The following TTC7A variants were observed in gnomAD, a reference collection of about 807,000 sequenced individuals.
The protein encoded by TTC7A is tetratricopeptide repeat domain 7A.
In TTC7A, 110 loss-of-function variants were observed where a neutral mutation model predicts 103.7. The ratio of observed to expected loss-of-function variants is 1.06; its 90% CI spans 0.91 to 1.24. The LOEUF (loss-of-function observed/expected upper bound fraction) is 1.24, where lower values mean the gene tolerates loss of function less well. Among genes scored for constraint, TTC7A ranks in the 50% most tolerant of loss-of-function variants. TTC7A has a pLI of 0.00. For synonymous variants in TTC7A, 521 were observed against 467.9 expected (o/e 1.11, Z -1.47); for missense variants, 1,340 against 1,116.3 (o/e 1.20, Z -2.86).
intron 8 of TTC7A, among the ~76,000 whole-genome samples, chr2:46,996,566 G>A (rs901817369): frequency 6.6e-6 from 1 of 152,236 alleles, no homozygotes; most frequent in Non-Finnish European, 1.5e-5. Context: ...CAGAGGGATT[G>A]CATCCTGCCT....
At chr2:47,015,701 C>T (rs1183856149) in intron 11 of TTC7A, among the ~76,000 whole-genome samples, 1 of 152,194 alleles carries the variant, frequency 6.6e-6, no homozygotes, top group African/African-American at 2.4e-5. Context: ...ACCGTTACAG[C>T]CCCTTGAAAA....
At chr2:46,996,656 G>T (rs991203715) in intron 8 of TTC7A, among the ~76,000 whole-genome samples, 1 of 152,184 alleles carries the variant, frequency 6.6e-6, no homozygotes, top group Non-Finnish European at 1.5e-5. Context: ...AGCTGGCCAG[G>T]GTGTTGCCCT....
chr2:47,008,202 A>G (rs1677635187), intron 10 of TTC7A, among the ~76,000 whole-genome samples: 3 of 152,214 alleles, frequency 2.0e-5, no homozygotes, highest in Admixed American at 1.3e-4. Context: ...CAGTGAGTAC[A>G]GGTGGGAGAG....
intron 15 of TTC7A, among the ~76,000 whole-genome samples, chr2:47,039,179 A>G (rs1379009939): frequency 6.6e-6 from 1 of 152,200 alleles, no homozygotes; most frequent in African/African-American, 2.4e-5. Flanking sequence ...AAGTATACCC[A>G]CATCATCTGA....
rs758239902 is a variant in TTC7A, at chr2:47,029,235, C to G, written c.1653C>G (p.Ala551=). 1 of 1,613,710 alleles carries G rather than the reference C, an allele frequency of 6.2e-7. No individual in the cohort carries two copies. The highest frequency in any genetic ancestry group is 1.7e-5 in the Admixed American group (1 of 60,002). ...QLALVRQISS[A]MEQLQEALKV... is the part of the protein sequence containing the mutation. ...GGTTCCTTCAACAGATCTCCAGTGC[C>G]ATGGAGCAGCTGCAGGAGGCCCTGA... The change falls in exon 15 of 20, where the codon GCC becomes GCG. Residue 551 remains alanine, a synonymous_variant. Coordinates refer to ENST00000319190, the MANE Select transcript of TTC7A (RefSeq NM_020458.4).
chr2:47,026,928 G>A (rs1443920874), intron 14 of TTC7A, among the ~76,000 whole-genome samples: 1 of 152,186 alleles, frequency 6.6e-6, no homozygotes, highest in Admixed American at 6.5e-5. Flanking sequence ...CTCTGAGCAG[G>A]AGAGGGTGTT....
At position 47,028,163 on chromosome 2, in the gene TTC7A, CT is replaced by C. The variant is rs142885373; in HGVS notation, c.1642-1059del. 3.3e-3 allele frequency among the ~76,000 whole-genome samples: 508 copies of C among 152,272 alleles called. 1 individual carries two copies. The highest frequency in any genetic ancestry group is 0.011 in the African/African-American group (468 of 41,554). On this transcript the variant is annotated intron_variant, in intron 14 of 19. Transcript: ENST00000319190. Reference sequence around the variant, plus strand: ...GAATGGTCTCTTCAGGAAAGGGCTCCTTGAACCTTCCATATCCTCCCATAAG... The same window carrying C: ...GAATGGTCTCTTCAGGAAAGGGCTCCTGAACCTTCCATATCCTCCCATAAG...
At chr2:47,057,116 C>G (rs979512338) in intron 18 of TTC7A, among the ~76,000 whole-genome samples, 2 of 152,212 alleles carry the variant, frequency 1.3e-5, no homozygotes, top group Non-Finnish European at 2.9e-5. Context: ...AGCAAAGCGT[C>G]GAGCAGGAGC....
At chr2:47,009,903 TG>T (rs1182344583) in intron 10 of TTC7A, among the ~76,000 whole-genome samples, 2 of 56,584 alleles carry the variant, frequency 3.5e-5, no homozygotes, top group African/African-American at 5.8e-5. Context: ...TTTTTTTTTT[TG>T]GTGGTGGGGG....
upstream of TTC7A, chr2:46,915,894 C>T (rs970441749): frequency 2.0e-6 from 2 of 984,800 alleles, no homozygotes; most frequent in Non-Finnish European, 2.4e-6. Flanking sequence ...CTCCCGCTGG[C>T]GGCGGCGGGC....
intron 14 of TTC7A, among the ~76,000 whole-genome samples, chr2:47,025,236 T>A (rs1572947380): frequency 6.6e-6 from 1 of 152,194 alleles, no homozygotes; most frequent in South Asian, 2.1e-4. Flanking sequence ...TGGTGCTGTG[T>A]CCCCCATACC....
intron 3 of TTC7A, among the ~76,000 whole-genome samples, chr2:46,972,658 T>C (rs936600087): frequency 4.6e-5 from 7 of 152,132 alleles, no homozygotes; most frequent in Non-Finnish European, 8.8e-5. Flanking sequence ...GAGAGCAAGG[T>C]GCTATTACTG....
chr2:46,970,400 A>G (rs1031154256), intron 3 of TTC7A, among the ~76,000 whole-genome samples: 7 of 152,258 alleles, frequency 4.6e-5, no homozygotes, highest in Admixed American at 4.6e-4. Flanking sequence ...GGAGGCCCAC[A>G]GACCATTGTT....
At chr2:46,956,207 C>T (rs1308049126) in intron 2 of TTC7A, among the ~76,000 whole-genome samples, 2 of 152,170 alleles carry the variant, frequency 1.3e-5, no homozygotes, top group East Asian at 1.9e-4. Context: ...GGAAAGAAAA[C>T]ACGTTTAAAT....
intron 15 of TTC7A, among the ~76,000 whole-genome samples, chr2:47,033,652 G>A (rs145906379): frequency 3.9e-5 from 6 of 152,328 alleles, no homozygotes; most frequent in African/African-American, 1.4e-4. Flanking sequence ...TTGCTCATCT[G>A]CCAAAAGACA....
chr2:47,041,928 A>T (rs1331363171), intron 15 of TTC7A, among the ~76,000 whole-genome samples: 1 of 152,030 alleles, frequency 6.6e-6, no homozygotes, highest in Non-Finnish European at 1.5e-5. Flanking sequence ...CGGGAAAAAA[A>T]ACGTATTTAA....
chr2:47,022,397 C>A (rs1270425715), intron 12 of TTC7A, among the ~76,000 whole-genome samples: 1 of 152,208 alleles, frequency 6.6e-6, no homozygotes, highest in Non-Finnish European at 1.5e-5. Context: ...TCTTCTGGAG[C>A]CTTTTAAATC....
chr2:46,940,453 G>A (rs918187879), upstream of TTC7A, among the ~76,000 whole-genome samples: 2 of 152,152 alleles, frequency 1.3e-5, no homozygotes, highest in Non-Finnish European at 2.9e-5. The surrounding 1 kb of genome is among the most constrained non-coding windows in gnomAD (Gnocchi z 4.7). Context: ...GGCTGCCCCC[G>A]CTAGGCCCCG....
intron 7 of TTC7A, 105 bp downstream of exon 7, chr2:46,994,619 A>G: frequency 3.5e-6 from 4 of 1,150,698 alleles, no homozygotes; most frequent in Non-Finnish European, 5.0e-6. Flanking sequence ...TCCAGTCTCC[A>G]CTCAGCACAC....
Sources: allele counts gnomAD v4.1 joint callset (sites outside exome capture counted in the v4.1 genomes callset), GRCh38; gene constraint gnomAD v4.1.1; non-coding constraint Gnocchi (gnomAD v3.1); transcripts MANE v1.5; gene names NCBI Gene and HGNC (gene_info 2026-07-23, HGNC 2026-07-21).